MAG: variants seen among roughly 807,000 people sequenced by gnomAD.
MAG encodes the protein myelin-associated glycoprotein.
In MAG, 30 loss-of-function variants were observed where a neutral mutation model predicts 60.7. The ratio of observed to expected loss-of-function variants is 0.49; its 90% CI spans 0.37 to 0.67. MAG has a LOEUF of 0.67. Ranked by LOEUF, MAG falls within the 30% of genes least tolerant of loss-of-function variation. MAG has a pLI of 0.00. For synonymous variants in MAG, 384 were observed against 376.8 expected (o/e 1.02, Z -0.22); for missense variants, 795 against 851.7 (o/e 0.93, Z 0.83).
chr19:35,292,393 G>A (rs1377496315), intron 1 of MAG, among the ~76,000 whole-genome samples, 189 bp downstream of exon 1: 1 of 152,012 alleles, frequency 6.6e-6, no homozygotes, highest in Admixed American at 6.5e-5. Flanking sequence ...GGGCAGCGAT[G>A]GGGCTCTGGG....
rs1355411977 is a variant in MAG at position 35,293,324 on chromosome 19, C to T, written c.-79-911C>T. On this transcript the variant is annotated intron_variant, in intron 1 of 10. Coordinates refer to ENST00000392213, the MANE Select transcript of MAG (RefSeq NM_002361.4). The surrounding 1 kb of genome is among the most constrained non-coding windows in gnomAD (Gnocchi z 4.0). ...GCTGAATGCCAGGGCTGTGTCTGTC[C>T]AGGTGTGTGTGGACAGCAGCAGAGG... Among the ~76,000 whole-genome samples the T allele has an allele frequency of 6.6e-6, 1 of 150,918 alleles. No individual in the cohort carries two copies. Among genetic ancestry groups the T allele is most frequent in the East Asian group, 2.0e-4 (1 of 5,122 alleles).
Position 35,299,818 on chromosome 19 carries a change from A to C in MAG, c.680A>C (p.Gln227Pro). ...GCCTCCTTCCCCAACACCACCCTGC[A>C]GTTCGAGGGCTACGCCAGCATGGAC... is the stretch of plus-strand genomic sequence containing the variant. ...CQASFPNTTL[Q>P]FEGYASMDVK... The change falls in exon 5 of 11, where the codon CAG (glutamine) becomes CCG (proline). Residue 227 changes from glutamine to proline, a missense_variant. Gln to Pro is a moderately conservative substitution (Grantham distance 76). Transcript: ENST00000392213. The C allele has an allele frequency of 6.6e-7, 1 of 1,515,562 alleles. No individual in the cohort carries two copies. 93.9% of individuals were successfully genotyped at this position (1,515,562 alleles called of 1,614,324 possible). A position where few individuals can be genotyped will look rare whatever the true frequency, so the allele number is the denominator to read the frequency against.
chr19:35,312,440 G>A (rs995025457), intron 10 of MAG: 2 of 969,464 alleles, frequency 2.1e-6, no homozygotes, highest in Non-Finnish European at 3.3e-6. Flanking sequence ...TGATGTCCGG[G>A]CCTGCCCGGC....
Position 35,295,412 on chromosome 19 carries a change from A to AT in MAG, c.5dup (p.Phe3IlefsTer43). On this transcript the variant is annotated frameshift_variant, in exon 3 of 11. Coordinates refer to ENST00000392213, the MANE Select transcript of MAG (RefSeq NM_002361.4). LOFTEE classifies it high-confidence loss of function. This position sits in a 1 kb window ranked among gnomAD's most constrained non-coding sequence, Gnocchi z 5.8. ...GATCACTCACTCGCTGTACAGAATGATATTCCTCACGGCACTGCCTCTGTT... is the reference window on the plus strand; with the variant it reads ...GATCACTCACTCGCTGTACAGAATGATTATTCCTCACGGCACTGCCTCTGTT... The AT allele has an allele frequency of 6.2e-7, 1 of 1,613,918 alleles. No individual in the cohort carries two copies. The highest frequency in any genetic ancestry group is 8.5e-7 in the Non-Finnish European group (1 of 1,180,020).
chr19:35,310,124 T>C lies in MAG; in HGVS notation c.1482T>C (p.Tyr494=). Residue 494 remains tyrosine, a synonymous_variant, in exon 8 of 11, where the codon TAT becomes TAC. Coordinates refer to ENST00000392213, the MANE Select transcript of MAG (RefSeq NM_002361.4). ...PRVICTARNL[Y]GAKSLELPFQ... ...TCATCTGCACCGCGAGGAACCTCTATGGCGCCAAGAGCCTGGAGCTGCCCT... is the reference window on the plus strand; with the variant it reads ...TCATCTGCACCGCGAGGAACCTCTACGGCGCCAAGAGCCTGGAGCTGCCCT... 1.2e-6 allele frequency: 2 copies of C among 1,611,008 alleles called. No individual in the cohort carries two copies. The highest frequency in any genetic ancestry group is 1.7e-6 in the Non-Finnish European group (2 of 1,178,022).
In MAG at chr19:35,293,728, A is replaced by T. The variant is rs1014931033; in HGVS notation, c.-79-507A>T. Among the ~76,000 whole-genome samples, 7 of 151,386 alleles carry T rather than the reference A, an allele frequency of 4.6e-5. No individual in the cohort carries two copies. The highest frequency in any genetic ancestry group is 1.7e-4 in the African/African-American group (7 of 41,164). On this transcript the variant is annotated intron_variant, in intron 1 of 10. Coordinates refer to ENST00000392213, the MANE Select transcript of MAG (RefSeq NM_002361.4). This position sits in a 1 kb window ranked among gnomAD's most constrained non-coding sequence, Gnocchi z 4.0. The stretch of plus-strand genomic sequence containing the variant: ...CTGACCCCTTTCTTACTCCCCACTT[A>T]CCCTGAAAGCCCCCCGCAGGCTAAA...
At chr19:35,310,705 A>G in intron 9 of MAG, 62 bp downstream of exon 9, 2 of 1,467,962 alleles carry the variant, frequency 1.4e-6, no homozygotes, top group Admixed American at 1.7e-5. Context: ...CTGGTGGGAG[A>G]TGGAGGCCCA....
chr19:35,295,239 C>A lies in MAG; in HGVS notation c.-23-147C>A. 1 of 724,960 alleles carries A rather than the reference C, an allele frequency of 1.4e-6. No homozygotes were observed. The highest frequency in any genetic ancestry group is 1.8e-5 in the South Asian group (1 of 55,114). 44.9% of individuals were successfully genotyped at this position (724,960 alleles called of 1,614,324 possible). A position where few individuals can be genotyped will look rare whatever the true frequency, so the allele number is the denominator to read the frequency against. The stretch of plus-strand genomic sequence containing the variant: ...TCCAGCCCGGGCAATGAAACAAGAC[C>A]CTGTCTCAGAAAAATAAGTAAATAA... On this transcript the variant is annotated intron_variant, in intron 2 of 10. Transcript: ENST00000392213. The surrounding 1 kb of genome is among the most constrained non-coding windows in gnomAD (Gnocchi z 5.8).
At chr19:35,300,991 G>C (rs1041495395) in intron 6 of MAG, among the ~76,000 whole-genome samples, 1 of 152,140 alleles carries the variant, frequency 6.6e-6, no homozygotes, top group African/African-American at 2.4e-5. Flanking sequence ...ACCTCAGCCT[G>C]CTGCGCTGCT....
At chr19:35,312,627 G>T (rs888925706) in intron 10 of MAG, 5 of 516,434 alleles carry the variant, frequency 9.7e-6, no homozygotes, top group East Asian at 3.1e-5. Flanking sequence ...GGACCCATGG[G>T]GGGGCACGTA....
chr19:35,312,384 G>C, intron 10 of MAG: 1 of 1,483,840 alleles, frequency 6.7e-7, no homozygotes, highest in Non-Finnish European at 9.3e-7. Context: ...CCTGGGGTTG[G>C]CGTGCATGTC....
chr19:35,295,520 C>T lies in MAG; in HGVS notation c.46+66C>T, dbSNP rs993871861. ...CCTGAGCAGGTTGGAGGTGGGTCCC[C>T]GCAGCCCCCCGGCATGTGGTTGGGG... On this transcript the variant is annotated intron_variant, in intron 3 of 10. Transcript: ENST00000392213. This position sits in a 1 kb window ranked among gnomAD's most constrained non-coding sequence, Gnocchi z 5.8. 1.0e-4 allele frequency: 162 copies of T among 1,608,502 alleles called. 1 individual carries two copies. The highest frequency in any genetic ancestry group is 3.7e-4 in the Admixed American group (22 of 59,650).
intron 7 of MAG, among the ~76,000 whole-genome samples, chr19:35,305,732 A>G (rs1171233940): frequency 6.6e-6 from 1 of 152,324 alleles, no homozygotes; most frequent in African/African-American, 2.4e-5. Context: ...AGACAGTTGG[A>G]TCACTTGAGG....
intron 7 of MAG, among the ~76,000 whole-genome samples, chr19:35,305,829 C>A (rs1047568685): frequency 6.6e-6 from 1 of 152,236 alleles, no homozygotes; most frequent in Non-Finnish European, 1.5e-5. Context: ...ATGGCGCACA[C>A]CTGCAGTTCC....
intron 4 of MAG, among the ~76,000 whole-genome samples, chr19:35,296,218 T>A (rs2066397188): frequency 6.6e-6 from 1 of 152,172 alleles, no homozygotes; most frequent in South Asian, 2.1e-4. Flanking sequence ...GTGCTGCTAC[T>A]CTTTTGGAAA....
Position 35,295,470 on chromosome 19 carries a change from TGCTGGGGACCTAAAG to T in MAG, c.46+20_46+34del. 1 of 1,613,976 alleles carries T rather than the reference TGCTGGGGACCTAAAG, an allele frequency of 6.2e-7. No individual in the cohort carries two copies. Among genetic ancestry groups the T allele is most frequent in the Non-Finnish European group, 8.5e-7 (1 of 1,179,982 alleles). Reference sequence around the variant, plus strand: ...ATGATTTCAGGTAACGGCTGACAGGTGCTGGGGACCTAAAGGCTTTGGCCCCTGAGCAGGTTGGAG... The same window carrying T: ...ATGATTTCAGGTAACGGCTGACAGGTGCTTTGGCCCCTGAGCAGGTTGGAG... On this transcript the variant is annotated intron_variant, in intron 3 of 10. Coordinates refer to ENST00000392213, the MANE Select transcript of MAG (RefSeq NM_002361.4). This position sits in a 1 kb window ranked among gnomAD's most constrained non-coding sequence, Gnocchi z 5.8.
Position 35,295,460 on chromosome 19 carries a change from GGCTGACAGGT to G in MAG, c.46+11_46+20del. 1 of 1,614,018 alleles carries G rather than the reference GGCTGACAGGT, an allele frequency of 6.2e-7. No homozygotes were observed. Among genetic ancestry groups the G allele is most frequent in the Admixed American group, 1.7e-5 (1 of 60,006 alleles). ...GTTCTGGATTATGATTTCAGGTAAC[GGCTGACAGGT>G]GCTGGGGACCTAAAGGCTTTGGCCC... On this transcript the variant is annotated splice_region_variant and intron_variant, in intron 3 of 10. Coordinates refer to ENST00000392213, the MANE Select transcript of MAG (RefSeq NM_002361.4). The surrounding 1 kb of genome is among the most constrained non-coding windows in gnomAD (Gnocchi z 5.8).
intron 7 of MAG, among the ~76,000 whole-genome samples, chr19:35,307,037 T>C (rs1379173421): frequency 6.6e-6 from 1 of 152,254 alleles, no homozygotes; most frequent in African/African-American, 2.4e-5. Context: ...ACCGGCAGGG[T>C]GTCGGCGTTC....
chr19:35,312,910 G>C (rs1216191814), intron 10 of MAG, among the ~76,000 whole-genome samples: 1 of 152,100 alleles, frequency 6.6e-6, no homozygotes, highest in Non-Finnish European at 1.5e-5. Flanking sequence ...GTGTTGGCAG[G>C]TGCCTGTAAT....
Sources: allele counts gnomAD v4.1 joint callset (sites outside exome capture counted in the v4.1 genomes callset), GRCh38; gene constraint gnomAD v4.1.1; non-coding constraint Gnocchi (gnomAD v3.1); transcripts MANE v1.5; gene names NCBI Gene and HGNC (gene_info 2026-07-23, HGNC 2026-07-21).